SYN3: variants seen among roughly 807,000 people sequenced by gnomAD.
The protein encoded by SYN3 is synapsin III, also known as synapsin-3.
A neutral mutation model predicts 65.8 loss-of-function variants in SYN3; 35 were observed. The observed-to-expected ratio is 0.53, with a 90% CI of 0.41 to 0.70. The LOEUF is 0.70. SYN3 is among the 30% of genes least tolerant of loss of function. The pLI, the probability that SYN3 is intolerant of heterozygous loss-of-function variation, is 0.00. For missense variants in SYN3, 680 were observed against 749.0 expected, an observed-to-expected ratio of 0.91 and a Z score of 1.08; for synonymous variants, 270 against 292.9, an observed-to-expected ratio of 0.92 and a Z score of 0.80.
intron 6 of SYN3, among the ~76,000 whole-genome samples, chr22:32,696,619 T>C (rs1294434824): frequency 6.6e-6 from 1 of 152,308 alleles, no homozygotes; most frequent in Non-Finnish European, 1.5e-5. Context: ...TTTTCTATTT[T>C]CCAGCACCCA....
rs1482882646 is a variant in SYN3, at chr22:32,857,257, A to C, written c.711+7658T>G. The C allele has an allele frequency of 3.7e-6, 6 of 1,613,818 alleles. No individual in the cohort carries two copies. In the South Asian group the frequency reaches 6.6e-5, roughly 18 times the overall value. ...GTTCCTTTTGCCCACAGATGTACCG[A>C]GGCTTCACCAAGATGCCCCATGTGC... On this transcript the variant is annotated intron_variant, in intron 6 of 13. Coordinates refer to ENST00000358763, the MANE Select transcript of SYN3 (RefSeq NM_003490.4).
intron 6 of SYN3, among the ~76,000 whole-genome samples, chr22:32,602,983 T>G (rs2059307226): frequency 1.3e-5 from 2 of 152,002 alleles, no homozygotes; most frequent in Non-Finnish European, 2.9e-5. Context: ...ACATTCTTTT[T>G]TTTTTTTTTG....
intron 4 of SYN3, among the ~76,000 whole-genome samples, chr22:32,889,588 A>T (rs2049386504): frequency 6.6e-6 from 1 of 152,222 alleles, no homozygotes; most frequent in East Asian, 1.9e-4. Context: ...GTTCCCTCTC[A>T]TATTTTCAGT....
chr22:33,009,423 A>G (rs371543496), intron 1 of SYN3, among the ~76,000 whole-genome samples: 1 of 152,054 alleles, frequency 6.6e-6, no homozygotes, highest in Non-Finnish European at 1.5e-5. Context: ...TCTTTTGTGG[A>G]TATCTATTCA....
chr22:32,658,078 C>T (rs2060166752), intron 6 of SYN3, among the ~76,000 whole-genome samples: 1 of 152,112 alleles, frequency 6.6e-6, no homozygotes, highest in Non-Finnish European at 1.5e-5. Flanking sequence ...TTAAAGCATG[C>T]TGAGGGGGAG....
chr22:32,741,637 G>A (rs1418677893), intron 6 of SYN3, among the ~76,000 whole-genome samples: 3 of 152,024 alleles, frequency 2.0e-5, no homozygotes, highest in East Asian at 1.9e-4. Flanking sequence ...TTACATGCGT[G>A]AGCCATCGTG....
chr22:32,901,667 C>T (rs2049764131), intron 4 of SYN3, among the ~76,000 whole-genome samples: 1 of 151,666 alleles, frequency 6.6e-6, no homozygotes, highest in South Asian at 2.1e-4. Context: ...TTTCTTAATC[C>T]CCAGGACAAC....
chr22:32,852,915 G>A (rs2283885), intron 6 of SYN3, among the ~76,000 whole-genome samples: 28,776 of 152,122 alleles, frequency 0.19, 3,006 homozygotes, highest in East Asian at 0.4. Context: ...TGTGCCAGGA[G>A]TTATTGTTTA....
intron 6 of SYN3, among the ~76,000 whole-genome samples, chr22:32,688,899 T>A (rs1387792915): frequency 6.6e-6 from 1 of 151,932 alleles, no homozygotes; most frequent in Admixed American, 6.6e-5. Context: ...GGCCTGGGGG[T>A]GAGCAAAGCC....
intron 6 of SYN3, among the ~76,000 whole-genome samples, chr22:32,647,451 C>CTTTTT (rs58987529): frequency 2.8e-5 from 4 of 144,872 alleles, no homozygotes; most frequent in African/African-American, 5.0e-5. Flanking sequence ...TTTTCTTTTT[C>CTTTTT]TTTTTTTTTT....
rs899710046 is a variant in SYN3, at chr22:32,512,213, C to T, written c.*1479G>A. On this transcript the variant is annotated 3_prime_UTR_variant, in exon 14 of 14. Transcript: ENST00000358763. The stretch of plus-strand genomic sequence containing the variant: ...GCTGATTACCAAACAATCTACATTG[C>T]TTGGGCATAACTAGAAGCTGCTCCA... Among the ~76,000 whole-genome samples, 7 of 152,222 alleles carry T rather than the reference C, an allele frequency of 4.6e-5. No homozygotes were observed. Among genetic ancestry groups the T allele is most frequent in the Non-Finnish European group, 1.0e-4 (7 of 68,042 alleles).
Position 32,516,150 on chromosome 22 carries a change from A to G in SYN3, c.1610+1893T>C, listed in dbSNP as rs558536207. ...AGTGAGCAGAATGGTGTTGATAGTG[A>G]ATACTCCTGTGTGTGTGAGAAAATG... is the stretch of plus-strand genomic sequence containing the variant. On this transcript the variant is annotated intron_variant, in intron 13 of 13. Coordinates refer to ENST00000358763, the MANE Select transcript of SYN3 (RefSeq NM_003490.4). 3.3e-5 allele frequency among the ~76,000 whole-genome samples: 5 copies of G among 152,196 alleles called. No individual in the cohort carries two copies. The South Asian group carries it at 1.0e-3, about 32-fold the overall frequency.
intron 6 of SYN3, among the ~76,000 whole-genome samples, chr22:32,652,320 A>G (rs1399564450): frequency 1.3e-5 from 2 of 151,616 alleles, no homozygotes; most frequent in Non-Finnish European, 2.9e-5. Flanking sequence ...ACGAGCCATG[A>G]CATGCTTCAG....
Position 32,508,281 on chromosome 22 carries a change from C to A in SYN3, c.*5411G>T, listed in dbSNP as rs1286869159. Among the ~76,000 whole-genome samples, 2 of 152,164 alleles carry A rather than the reference C, an allele frequency of 1.3e-5. No individual in the cohort carries two copies. The highest frequency in any genetic ancestry group is 2.9e-5 in the Non-Finnish European group (2 of 68,040). The stretch of plus-strand genomic sequence containing the variant: ...ATTTCCTTCTTCTGGCTCAGAAGCT[C>A]CCGCACTGAGCACCTTGTGACCCCC... On this transcript the variant is annotated 3_prime_UTR_variant, in exon 14 of 14. Transcript: ENST00000358763.
At chr22:32,559,770 C>T (rs2058557792) in intron 7 of SYN3, among the ~76,000 whole-genome samples, 1 of 150,558 alleles carries the variant, frequency 6.6e-6, no homozygotes, top group African/African-American at 2.4e-5. Context: ...GCAGAGCTTG[C>T]AGTGTGCCCA....
chr22:32,647,601 T>C (rs557617866), intron 6 of SYN3, among the ~76,000 whole-genome samples: 78 of 152,044 alleles, frequency 5.1e-4, no homozygotes, highest in African/African-American at 1.8e-3. Flanking sequence ...TGTGTGCCAC[T>C]GTTCCCAGCT....
chr22:32,738,631 G>T (rs2061363347), intron 6 of SYN3, among the ~76,000 whole-genome samples: 1 of 152,222 alleles, frequency 6.6e-6, no homozygotes, highest in Admixed American at 6.5e-5. Context: ...AGGTTTTGGT[G>T]GAGGGGATGT....
At chr22:32,838,652 G>C (rs541383372) in intron 6 of SYN3, among the ~76,000 whole-genome samples, 2 of 151,888 alleles carry the variant, frequency 1.3e-5, no homozygotes, top group African/African-American at 2.4e-5. Context: ...GTCGGTATTC[G>C]GCCTCTCCAG....
chr22:32,752,857 G>A (rs919668360), intron 6 of SYN3, among the ~76,000 whole-genome samples: 5 of 152,166 alleles, frequency 3.3e-5, no homozygotes, highest in Admixed American at 3.3e-4. Flanking sequence ...TGCATGGGGG[G>A]CCGGCTTCTC....
Sources: gnomAD v4.1 joint callset for allele counts (sites outside exome capture counted in the v4.1 genomes callset) on GRCh38, gnomAD v4.1.1 for gene constraint, MANE v1.5 for transcripts, NCBI Gene and HGNC (gene_info 2026-07-23, HGNC 2026-07-21) for gene names.